MSI2: variants seen among roughly 807,000 people sequenced by gnomAD.
MSI2 encodes RNA-binding protein Musashi homolog 2.
A neutral mutation model predicts 45.6 loss-of-function variants in MSI2; 17 were observed. The observed-to-expected ratio is 0.37, with a 90% CI of 0.26 to 0.56. MSI2 has a LOEUF of 0.56. MSI2 is among the 20% of genes least tolerant of loss of function. The pLI is 0.77. For missense variants in MSI2, 293 were observed against 444.2 expected (o/e 0.66, Z 3.06); for synonymous variants, 156 against 158.2 (o/e 0.99, Z 0.11).
intron 5 of MSI2, among the ~76,000 whole-genome samples, chr17:57,306,506 C>A (rs1365821877): frequency 6.6e-6 from 1 of 151,868 alleles, no homozygotes; most frequent in Non-Finnish European, 1.5e-5. Flanking sequence ...TTCTGGAGTT[C>A]CCATCAGGGT....
chr17:57,524,153 G>C (rs1298022512), intron 6 of MSI2, among the ~76,000 whole-genome samples: 1 of 152,208 alleles, frequency 6.6e-6, no homozygotes, highest in Non-Finnish European at 1.5e-5. Flanking sequence ...CCTTGTCATG[G>C]TGATGGCAGA....
chr17:57,450,513 T>C (rs1250563299), intron 6 of MSI2, among the ~76,000 whole-genome samples: 4 of 151,136 alleles, frequency 2.6e-5, no homozygotes, highest in Non-Finnish European at 5.9e-5. Context: ...CCTGTAAAAA[T>C]ATAAAAATTA....
At chr17:57,700,036 T>C in the MSI2 span, among the ~76,000 whole-genome samples, 7 of 152,382 alleles carry the variant, frequency 4.6e-5, no homozygotes, top group Admixed American at 1.3e-4. Flanking sequence ...CAAGCCCAGA[T>C]AGATGGGAGT....
intron 9 of MSI2, among the ~76,000 whole-genome samples, chr17:57,619,164 G>C (rs1341269138): frequency 6.6e-6 from 1 of 152,212 alleles, no homozygotes; most frequent in Non-Finnish European, 1.5e-5. Flanking sequence ...AAAGGCTCAG[G>C]CCCACATCTC....
At chr17:57,479,424 T>C (rs2085605599) in intron 6 of MSI2, among the ~76,000 whole-genome samples, 1 of 152,236 alleles carries the variant, frequency 6.6e-6, no homozygotes, top group Non-Finnish European at 1.5e-5. Context: ...TTCTCTGGAC[T>C]CAGTGTTCCT....
In MSI2 at chr17:57,583,642, T is replaced by C. The variant is rs528138684; in HGVS notation, c.455-13226T>C. ...GCCACGACGTCAGGCTAATTTATTT[T>C]ATTTCATTTTTTGTAGAGATGTGGT... is the stretch of plus-strand genomic sequence containing the variant. On this transcript the variant is annotated intron_variant, in intron 7 of 13. Transcript: ENST00000284073. Among the ~76,000 whole-genome samples the C allele has an allele frequency of 2.6e-5, 4 of 152,260 alleles. No homozygotes were observed. The East Asian group carries it at 7.7e-4, about 29-fold the overall frequency.
chr17:57,321,577 C>G (rs1913348243), intron 5 of MSI2, among the ~76,000 whole-genome samples: 1 of 152,130 alleles, frequency 6.6e-6, no homozygotes, highest in Admixed American at 6.5e-5. Context: ...GCCAGAAGAG[C>G]TCCCTGCAGC....
intron 11 of MSI2, among the ~76,000 whole-genome samples, chr17:57,654,509 T>C (rs1349102120): frequency 6.6e-6 from 1 of 152,218 alleles, no homozygotes; most frequent in African/African-American, 2.4e-5. Context: ...TGGCAAAAGC[T>C]CTTTGCTCTG....
intron 8 of MSI2, among the ~76,000 whole-genome samples, chr17:57,604,263 A>G (rs1906272558): frequency 6.6e-6 from 1 of 152,246 alleles, no homozygotes; most frequent in Admixed American, 6.5e-5. Context: ...GAACAGAGCC[A>G]GGCCATGGCA....
At chr17:57,442,194 G>A (rs1017133282) in intron 6 of MSI2, among the ~76,000 whole-genome samples, 3 of 152,038 alleles carry the variant, frequency 2.0e-5, no homozygotes, top group Admixed American at 6.6e-5. Context: ...GTGCCACCAC[G>A]CCCGGCTAAT....
At chr17:57,345,933 G>A (rs924638952) in intron 5 of MSI2, among the ~76,000 whole-genome samples, 12 of 151,176 alleles carry the variant, frequency 7.9e-5, no homozygotes, top group African/African-American at 2.7e-4. Context: ...CCCTGTCTTC[G>A]TAGGCTCCTC....
chr17:57,678,365 A>G (rs17731013), intron 13 of MSI2, among the ~76,000 whole-genome samples: 17,066 of 152,162 alleles, frequency 0.11, 1,162 homozygotes, highest in Middle Eastern at 0.17. Context: ...GGCCACTAAC[A>G]GTTTGAAGGA....
At chr17:57,599,567 C>T (rs562981341) in intron 8 of MSI2, among the ~76,000 whole-genome samples, 8 of 152,288 alleles carry the variant, frequency 5.3e-5, no homozygotes, top group African/African-American at 1.9e-4. Flanking sequence ...TGCACGTAAC[C>T]GGGTTTTTAG....
intron 5 of MSI2, among the ~76,000 whole-genome samples, chr17:57,397,381 G>A (rs1168753830): frequency 1.3e-5 from 2 of 152,206 alleles, no homozygotes; most frequent in Admixed American, 1.3e-4. Context: ...CAAGACTCAA[G>A]GAGTGGGACT....
intron 5 of MSI2, among the ~76,000 whole-genome samples, chr17:57,311,730 T>A (rs1018795397): frequency 1.3e-5 from 2 of 152,028 alleles, no homozygotes; most frequent in Non-Finnish European, 2.9e-5. Context: ...ATTTTTAAAA[T>A]TTTTTTGCAG....
chr17:57,690,447 CAA>C, the MSI2 span, among the ~76,000 whole-genome samples: 240 of 141,594 alleles, frequency 1.7e-3, no homozygotes, highest in East Asian at 2.0e-3. Flanking sequence ...CCTATCTCTA[CAA>C]AAAAAAAAAA....
chr17:57,552,696 C>T lies in MSI2; in HGVS notation c.454+22972C>T, dbSNP rs71372805. On this transcript the variant is annotated intron_variant, in intron 7 of 13. Transcript: ENST00000284073. The surrounding 1 kb of genome is among the most constrained non-coding windows in gnomAD (Gnocchi z 4.3). ...GCTTCTGAGCTTCACCCAACCCTCT[C>T]TGAGCCCCAACATGGGGGAACACTG... Among the ~76,000 whole-genome samples, 1 of 152,266 alleles carries T rather than the reference C, an allele frequency of 6.6e-6. No individual in the cohort carries two copies. The highest frequency in any genetic ancestry group is 2.4e-5 in the African/African-American group (1 of 41,476).
At chr17:57,392,263 CT>C (rs1161575277) in intron 5 of MSI2, among the ~76,000 whole-genome samples, 2 of 152,198 alleles carry the variant, frequency 1.3e-5, no homozygotes, top group African/African-American at 4.8e-5. Context: ...CAGGTCACCC[CT>C]GTGGCTGCGG....
chr17:57,664,528 A>G (rs12450965), intron 11 of MSI2, among the ~76,000 whole-genome samples: 32 of 151,508 alleles, frequency 2.1e-4, no homozygotes, highest in East Asian at 7.8e-4. Context: ...AAAAAAGGGG[A>G]AAAAAAAAGA....
Sources: allele counts gnomAD v4.1 joint callset (sites outside exome capture counted in the v4.1 genomes callset), GRCh38; gene constraint gnomAD v4.1.1; non-coding constraint Gnocchi (gnomAD v3.1); transcripts MANE v1.5; gene names NCBI Gene and HGNC (gene_info 2026-07-23, HGNC 2026-07-21).